Variants in LAMC3 observed in about 807,000 individuals in gnomAD.
The protein encoded by LAMC3 is laminin subunit gamma 3.
Under a neutral mutation model 173.8 loss-of-function variants are expected in LAMC3, and 128 were observed. The observed-to-expected ratio is 0.74, with a 90% CI of 0.64 to 0.85. LAMC3 has a LOEUF of 0.85. LAMC3 is among the 40% of genes least tolerant of loss of function. The probability of loss-of-function intolerance (pLI) is 0.00; values close to 1 mark genes in which losing one functional copy is unlikely to be tolerated. For missense variants in LAMC3, 2,022 were observed against 2,156.0 expected, an observed-to-expected ratio of 0.94 and a Z score of 1.23; for synonymous variants, 897 against 909.1, an observed-to-expected ratio of 0.99 and a Z score of 0.24.
At chr9:131,039,385 G>C in intron 6 of LAMC3, 137 bp downstream of exon 6, 1 of 754,360 alleles carries the variant, frequency 1.3e-6, no homozygotes, top group Non-Finnish European at 2.3e-6. Context: ...GTGAAGACTA[G>C]AGACACTCAG....
chr9:131,037,931 C>T (rs1364331990), intron 4 of LAMC3, among the ~76,000 whole-genome samples: 3 of 152,240 alleles, frequency 2.0e-5, no homozygotes, highest in Admixed American at 6.5e-5. Flanking sequence ...CCTCTGACTT[C>T]ACAACTGCCC....
At position 131,009,398 on chromosome 9, in the gene LAMC3, T is replaced by C. The variant is rs1833364226; in HGVS notation, c.184T>C (p.Cys62Arg). 6.5e-7 allele frequency: 1 copy of C among 1,537,708 alleles called. No homozygotes were observed. Among genetic ancestry groups the C allele is most frequent in the Non-Finnish European group, 8.7e-7 (1 of 1,144,546 alleles). ...HTCGSPPEDF[C>R]PHVGAAGAGA... ...GTGCGGCAGCCCGCCCGAGGACTTC[T>C]GTCCCCACGTGGGCGCCGCGGGCGC... The change falls in exon 1 of 28, where the codon TGT becomes CGT. Residue 62 changes from cysteine (C) to arginine (R), a missense_variant. By Grantham distance (180) the Cys-to-Arg change is radical. Transcript: ENST00000361069. This position sits in a 1 kb window ranked among gnomAD's most constrained non-coding sequence, Gnocchi z 4.3.
intron 1 of LAMC3, among the ~76,000 whole-genome samples, chr9:131,024,384 G>C (rs1833683147): frequency 6.6e-6 from 1 of 152,092 alleles, no homozygotes; most frequent in South Asian, 2.1e-4. Context: ...GACCTCAGGT[G>C]ATCCACCCGC....
chr9:131,017,544 G>A (rs1482372673), intron 1 of LAMC3, among the ~76,000 whole-genome samples: 1 of 149,044 alleles, frequency 6.7e-6, no homozygotes, highest in African/African-American at 2.5e-5. Context: ...AGCCAACATG[G>A]TGAAACCCTT....
chr9:131,080,650 G>T lies in LAMC3; in HGVS notation c.3927+1352G>T, dbSNP rs1830221248. Reference sequence around the variant, plus strand: ...CATGAGAATGTATCTGAAGAGCTGAGCCCAGTGCCTGCCGCTTACCCGGGG... The same window carrying T: ...CATGAGAATGTATCTGAAGAGCTGATCCCAGTGCCTGCCGCTTACCCGGGG... On this transcript the variant is annotated intron_variant, in intron 23 of 27. Transcript: ENST00000361069. Among the ~76,000 whole-genome samples the T allele has an allele frequency of 2.6e-5, 4 of 152,106 alleles. No individual in the cohort carries two copies. The South Asian group carries it at 8.3e-4, about 32-fold the overall frequency.
At chr9:131,033,732 G>A (rs1372867052) in intron 3 of LAMC3, among the ~76,000 whole-genome samples, 1 of 152,146 alleles carries the variant, frequency 6.6e-6, no homozygotes, top group Admixed American at 6.5e-5. Flanking sequence ...GGACCAGAGG[G>A]CTGGGGTGTG....
chr9:131,025,018 C>T (rs1396584468), intron 1 of LAMC3, among the ~76,000 whole-genome samples: 1 of 152,094 alleles, frequency 6.6e-6, no homozygotes, highest in Non-Finnish European at 1.5e-5. Context: ...GGTGGCATTT[C>T]AGGCAGTGGG....
At position 131,026,149 on chromosome 9, in the gene LAMC3, C is replaced by A. The variant is rs932811186; in HGVS notation, c.374-136C>A. On this transcript the variant is annotated intron_variant, in intron 1 of 27. Coordinates refer to ENST00000361069, the MANE Select transcript of LAMC3 (RefSeq NM_006059.4). This position sits in a 1 kb window ranked among gnomAD's most constrained non-coding sequence, Gnocchi z 4.8. The stretch of plus-strand genomic sequence containing the variant: ...GGCATCATGAATGGAGGGTGGCTTC[C>A]CCTGTCCAGAGCTCCAGACAGCTTC... The A allele has an allele frequency of 5.2e-6, 8 of 1,524,422 alleles. No homozygotes were observed. In the African/African-American group the frequency reaches 9.7e-5, roughly 18 times the overall value. 94.4% of individuals were successfully genotyped at this position (1,524,422 alleles called of 1,614,324 possible).
intron 3 of LAMC3, among the ~76,000 whole-genome samples, chr9:131,035,631 C>G (rs114711226): frequency 2.6e-5 from 4 of 152,174 alleles, no homozygotes; most frequent in Admixed American, 6.5e-5. Flanking sequence ...AAACCATATC[C>G]GAAGTGGACT....
intron 27 of LAMC3, 136 bp from the exon 28 acceptor site, chr9:131,091,401 C>T: frequency 8.1e-7 from 1 of 1,227,172 alleles, no homozygotes; most frequent in South Asian, 1.3e-5. Context: ...CCTTCTGCTC[C>T]CCATCTTTCC....
At chr9:131,024,921 T>C (rs1045863290) in intron 1 of LAMC3, among the ~76,000 whole-genome samples, 24 of 151,960 alleles carry the variant, frequency 1.6e-4, no homozygotes, top group Non-Finnish European at 2.4e-4. Flanking sequence ...ATGTCAGGGG[T>C]GTGCATTAGG....
chr9:131,029,361 C>G lies in LAMC3; in HGVS notation c.679-2684C>G, dbSNP rs1345376400. On this transcript the variant is annotated intron_variant, in intron 2 of 27. Coordinates refer to ENST00000361069, the MANE Select transcript of LAMC3 (RefSeq NM_006059.4). The surrounding 1 kb of genome is among the most constrained non-coding windows in gnomAD (Gnocchi z 4.6). ...AAGCTCTGTAGATTAGAAAACGTCA[C>G]CCGAGGTCAGATGAAGACAGGCAGG... is the stretch of plus-strand genomic sequence containing the variant. Among the ~76,000 whole-genome samples the G allele has an allele frequency of 2.0e-5, 3 of 152,210 alleles. No homozygotes were observed. The highest frequency in any genetic ancestry group is 2.0e-4 in the Admixed American group (3 of 15,288).
Position 131,015,136 on chromosome 9 carries a change from G to A in LAMC3, c.373+5549G>A, listed in dbSNP as rs780096179. Among the ~76,000 whole-genome samples the A allele has an allele frequency of 3.5e-4, 54 of 152,174 alleles. 1 individual carries two copies. The highest frequency in any genetic ancestry group is 7.2e-4 in the Admixed American group (11 of 15,276). On this transcript the variant is annotated intron_variant, in intron 1 of 27. Transcript: ENST00000361069. ...CAGTCACTTGCCCAGTGAACCCGAG[G>A]GAGTTCAGCTATTTTGCCCAAGGCC...
chr9:131,052,997 G>A lies in LAMC3; in HGVS notation c.1939+32G>A, dbSNP rs201023319. On this transcript the variant is annotated intron_variant, in intron 11 of 27. Transcript: ENST00000361069. Reference sequence around the variant, plus strand: ...AAAGACAACCACATGCCCAAGACCCGAGTGCTTGCCAGGTCTCAGAACTGG... The same window carrying A: ...AAAGACAACCACATGCCCAAGACCCAAGTGCTTGCCAGGTCTCAGAACTGG... The A allele has an allele frequency of 1.6e-5, 24 of 1,500,160 alleles. No homozygotes were observed. In the East Asian group the frequency reaches 3.8e-4, roughly 24 times the overall value. The allele number at this position is 1,500,160 out of a possible 1,614,324, so 92.9% of individuals were successfully genotyped here. A position where few individuals can be genotyped will look rare whatever the true frequency, so the allele number is the denominator to read the frequency against.
In LAMC3 at chr9:131,091,620, TC is replaced by T; in HGVS notation, c.4565del (p.Pro1522ArgfsTer71). 1 of 1,595,986 alleles carries T rather than the reference TC, an allele frequency of 6.3e-7. No homozygotes were observed. The stretch of plus-strand genomic sequence containing the variant: ...AGAACGCCTGAGGCTGCAGCTGGGC[TC>T]CCCGGGGTCCTTGCAGAGGAAACTC... ...ALERLRLQLG[S>X]PGSLQRKLSL... is the part of the protein sequence containing the mutation. On this transcript the variant is annotated frameshift_variant, in exon 28 of 28. Coordinates refer to ENST00000361069, the MANE Select transcript of LAMC3 (RefSeq NM_006059.4). LOFTEE classifies it high-confidence loss of function.
intron 9 of LAMC3, among the ~76,000 whole-genome samples, chr9:131,050,865 G>A (rs548575893): frequency 1.3e-5 from 2 of 152,310 alleles, no homozygotes; most frequent in African/African-American, 2.4e-5. Context: ...TGATGCGGCC[G>A]GTTGTGGAAC....
chr9:131,080,747 G>A (rs913016139), intron 23 of LAMC3, among the ~76,000 whole-genome samples: 4 of 152,078 alleles, frequency 2.6e-5, no homozygotes, highest in Admixed American at 2.0e-4. Flanking sequence ...AGGTTGCCAG[G>A]AAGAGAGGTG....
intron 1 of LAMC3, among the ~76,000 whole-genome samples, chr9:131,014,675 G>A (rs1833488026): frequency 6.6e-6 from 1 of 152,214 alleles, no homozygotes; most frequent in South Asian, 2.1e-4. Flanking sequence ...GAATGGAAGA[G>A]CAGCTCAAAT....
At chr9:131,019,057 G>T (rs552631530) in intron 1 of LAMC3, among the ~76,000 whole-genome samples, 1 of 152,348 alleles carries the variant, frequency 6.6e-6, no homozygotes, top group East Asian at 1.9e-4. Flanking sequence ...GAGGTCAGGA[G>T]TTTGAGACTA....
Sources: gnomAD v4.1 joint callset for allele counts (sites outside exome capture counted in the v4.1 genomes callset) on GRCh38, gnomAD v4.1.1 for gene constraint, Gnocchi (gnomAD v3.1) non-coding constraint, MANE v1.5 for transcripts, NCBI Gene and HGNC (gene_info 2026-07-23, HGNC 2026-07-21) for gene names.